DLG2: variants seen among roughly 807,000 people sequenced by gnomAD.
DLG2 encodes disks large homolog 2.
DLG2 carries 45 observed loss-of-function variants against 132.5 expected under a neutral mutation model. That is an observed-to-expected ratio of 0.34 (90% CI 0.27 to 0.44). The LOEUF (loss-of-function observed/expected upper bound fraction) is 0.44. Among genes scored for constraint, DLG2 ranks in the 20% least tolerant of loss-of-function variants. The pLI is 1.00. For synonymous variants in DLG2, 424 were observed against 419.6 expected (o/e 1.01, Z -0.13); for missense variants, 1,045 against 1,196.9 (o/e 0.87, Z 1.87).
intron 3 of DLG2, among the ~76,000 whole-genome samples, chr11:85,468,247 C>T (rs1368453203): frequency 1.3e-5 from 2 of 151,668 alleles, no homozygotes; most frequent in East Asian, 3.9e-4. Context: ...TTTTGTTGAT[C>T]TTTTCAAAAA....
At chr11:83,604,896 T>C (rs1205685111) in intron 19 of DLG2, among the ~76,000 whole-genome samples, 1 of 152,176 alleles carries the variant, frequency 6.6e-6, no homozygotes, top group African/African-American at 2.4e-5. Context: ...GGGAGGCTAT[T>C]GTTTGGACTA....
chr11:84,967,555 T>C (rs539916535), intron 6 of DLG2, among the ~76,000 whole-genome samples: 3 of 152,276 alleles, frequency 2.0e-5, no homozygotes, highest in East Asian at 1.9e-4. Context: ...TCAATTTTGT[T>C]TCATAGAAGA....
chr11:84,449,811 A>T (rs749369538), intron 7 of DLG2, among the ~76,000 whole-genome samples: 10 of 152,034 alleles, frequency 6.6e-5, no homozygotes, highest in South Asian at 6.2e-4. Context: ...TTTCATAAAT[A>T]AATAACCATA....
At chr11:84,967,559 T>C (rs1177191407) in intron 6 of DLG2, among the ~76,000 whole-genome samples, 2 of 152,152 alleles carry the variant, frequency 1.3e-5, no homozygotes, top group Non-Finnish European at 2.9e-5. Context: ...TTTTGTTTCA[T>C]AGAAGAGATA....
At chr11:85,031,604 T>A in intron 6 of DLG2, among the ~76,000 whole-genome samples, 1 of 152,198 alleles carries the variant, frequency 6.6e-6, no homozygotes, top group East Asian at 1.9e-4. Context: ...TTTCCTTTTT[T>A]TAATAATCAT....
At chr11:84,512,445 C>T (rs2154514212) in intron 7 of DLG2, among the ~76,000 whole-genome samples, 1 of 152,268 alleles carries the variant, frequency 6.6e-6, no homozygotes, top group Non-Finnish European at 1.5e-5. Flanking sequence ...TGTGTTTCCA[C>T]TTTCTTATCT....
intron 6 of DLG2, among the ~76,000 whole-genome samples, chr11:84,717,877 G>A (rs779019515): frequency 6.6e-6 from 1 of 152,030 alleles, no homozygotes; most frequent in South Asian, 2.1e-4. Flanking sequence ...AATATATACT[G>A]CAGTAGTTAT....
Position 85,459,795 on chromosome 11 carries a change from A to G in DLG2, c.40+138862T>C, listed in dbSNP as rs78724418. ...TTCCTCCTCAGAGTAATGCTGAACC[A>G]CCTGCAACTGAAATGTTCAGGTTGA... On this transcript the variant is annotated intron_variant, in intron 3 of 27. Coordinates refer to ENST00000376104, the MANE Select transcript of DLG2 (RefSeq NM_001142699.3). Among the ~76,000 whole-genome samples, 1,424 of 152,226 alleles carry G rather than the reference A, an allele frequency of 9.4e-3. 19 individuals carry two copies. The highest frequency in any genetic ancestry group is 0.031 in the African/African-American group (1,275 of 41,522).
intron 9 of DLG2, among the ~76,000 whole-genome samples, chr11:84,101,670 T>C (rs768062107): frequency 6.6e-6 from 1 of 151,958 alleles, no homozygotes; most frequent in Non-Finnish European, 1.5e-5. Context: ...ATCCAGAGGT[T>C]TGGGAAGAAA....
intron 18 of DLG2, among the ~76,000 whole-genome samples, chr11:83,782,564 T>C (rs1015876889): frequency 6.6e-6 from 1 of 152,170 alleles, no homozygotes; most frequent in African/African-American, 2.4e-5. Context: ...TTGACATCTG[T>C]GGGCTCTCAA....
In DLG2 at chr11:85,160,903, G is replaced by A. The variant is rs186916010; in HGVS notation, c.187-6252C>T. Reference sequence around the variant, plus strand: ...TTCTAGGACATCGCTGAAGGTCAGAGTGAAGGGAAATCTTCCCAGTGCACA... The same window carrying A: ...TTCTAGGACATCGCTGAAGGTCAGAATGAAGGGAAATCTTCCCAGTGCACA... On this transcript the variant is annotated intron_variant, in intron 4 of 27. Coordinates refer to ENST00000376104, the MANE Select transcript of DLG2 (RefSeq NM_001142699.3). Among the ~76,000 whole-genome samples, 88 of 152,308 alleles carry A rather than the reference G, an allele frequency of 5.8e-4. 1 individual carries two copies. Among genetic ancestry groups the A allele is most frequent in the Admixed American group, 5.8e-3 (88 of 15,302 alleles).
rs187787086 is a variant in DLG2, at chr11:84,332,462, A to C, written c.520-81171T>G. Among the ~76,000 whole-genome samples the C allele has an allele frequency of 3.2e-4, 48 of 148,642 alleles. No individual in the cohort carries two copies. In the East Asian group the frequency reaches 7.5e-3, roughly 23 times the overall value. ...CCTGACCTCGTGATCCAACCGCCTC[A>C]GCCTCCCAAAGTGCTGGGATTACAG... On this transcript the variant is annotated intron_variant, in intron 7 of 27. Transcript: ENST00000376104.
chr11:84,149,557 T>G (rs1025877736), intron 9 of DLG2, among the ~76,000 whole-genome samples: 1 of 152,122 alleles, frequency 6.6e-6, no homozygotes, highest in South Asian at 2.1e-4. Context: ...GGGTTCTCTA[T>G]GCTGTTTCAT....
At chr11:83,517,420 G>A (rs577496114) in intron 21 of DLG2, among the ~76,000 whole-genome samples, 5 of 152,196 alleles carry the variant, frequency 3.3e-5, no homozygotes, top group South Asian at 2.1e-4. Flanking sequence ...CTAGCCATTC[G>A]TCTAATCTTT....
At chr11:83,495,466 C>T (rs1227357911) in intron 21 of DLG2, among the ~76,000 whole-genome samples, 1 of 152,120 alleles carries the variant, frequency 6.6e-6, no homozygotes, top group Non-Finnish European at 1.5e-5. Flanking sequence ...TAAGGGTCAT[C>T]TCATTTTCTC....
chr11:84,233,346 C>G (rs2097119344), intron 8 of DLG2, among the ~76,000 whole-genome samples: 1 of 152,116 alleles, frequency 6.6e-6, no homozygotes, highest in Non-Finnish European at 1.5e-5. Context: ...TAGCAAAACG[C>G]AGCCCAAGAA....
chr11:84,453,850 T>C (rs1043150310), intron 7 of DLG2, among the ~76,000 whole-genome samples: 1 of 151,646 alleles, frequency 6.6e-6, no homozygotes, highest in Non-Finnish European at 1.5e-5. Flanking sequence ...TGGTCTCTGT[T>C]TTCCTTGGAG....
At chr11:85,313,997 T>C (rs1262667640) in intron 3 of DLG2, among the ~76,000 whole-genome samples, 2 of 151,992 alleles carry the variant, frequency 1.3e-5, no homozygotes, top group Non-Finnish European at 2.9e-5. Context: ...AAGTTGTATA[T>C]AAGGAAGAGC....
At chr11:84,686,265 G>A (rs2099738071) in intron 6 of DLG2, among the ~76,000 whole-genome samples, 1 of 152,166 alleles carries the variant, frequency 6.6e-6, no homozygotes, top group African/African-American at 2.4e-5. Context: ...CATGTCTCCT[G>A]AGGTAAAGGA....
Sources: allele counts gnomAD v4.1 joint callset (sites outside exome capture counted in the v4.1 genomes callset), GRCh38; gene constraint gnomAD v4.1.1; transcripts MANE v1.5; gene names NCBI Gene and HGNC (gene_info 2026-07-23, HGNC 2026-07-21).